Variants in PIP4K2A observed in about 807,000 individuals in gnomAD.
PIP4K2A encodes the protein phosphatidylinositol 5-phosphate 4-kinase type-2 alpha.
A neutral mutation model predicts 42.9 loss-of-function variants in PIP4K2A; 14 were observed. The ratio of observed to expected loss-of-function variants is 0.33; its 90% CI spans 0.22 to 0.51. The LOEUF is 0.51. PIP4K2A is among the 20% of genes least tolerant of loss of function. The pLI is 0.97. For missense variants in PIP4K2A, 434 were observed against 519.8 expected (o/e 0.83, Z 1.61); for synonymous variants, 192 against 192.2 (o/e 1.00, Z 0.01).
intron 1 of PIP4K2A, among the ~76,000 whole-genome samples, chr10:22,621,615 G>T (rs1411845011): frequency 6.6e-6 from 1 of 152,104 alleles, no homozygotes; most frequent in Non-Finnish European, 1.5e-5. Flanking sequence ...GGAGGAGTTT[G>T]GTATGTAATA....
intron 8 of PIP4K2A, among the ~76,000 whole-genome samples, chr10:22,540,508 C>G (rs1029006066): frequency 6.6e-6 from 1 of 151,988 alleles, no homozygotes; most frequent in Non-Finnish European, 1.5e-5. Context: ...GTTCATAATT[C>G]TCACTGGATA....
rs1048244 is a variant in PIP4K2A, at chr10:22,536,667, C to T, written c.*534G>A. 0.64 allele frequency: 88,579 copies of T among 138,410 alleles called. 28,317 individuals are homozygous for T. The highest frequency in any genetic ancestry group is 0.77 in the Middle Eastern group (211 of 274). The allele number at this position is 138,410 out of a possible 1,614,324, so 8.6% of individuals were successfully genotyped here. ...TCATCATCATTATTATAATAATCAT[C>T]ATTATTATCTTCATTATTCTGAATA... On this transcript the variant is annotated 3_prime_UTR_variant, in exon 10 of 10. Transcript: ENST00000376573.
chr10:22,643,067 C>G (rs908328723), intron 1 of PIP4K2A, among the ~76,000 whole-genome samples: 1 of 152,098 alleles, frequency 6.6e-6, no homozygotes, highest in Non-Finnish European at 1.5e-5. Flanking sequence ...GTGGAAACAC[C>G]TAGTTCTCCC....
At chr10:22,640,303 C>T (rs1181408117) in intron 1 of PIP4K2A, among the ~76,000 whole-genome samples, 1 of 152,142 alleles carries the variant, frequency 6.6e-6, no homozygotes, top group Non-Finnish European at 1.5e-5. Context: ...TACAGTATTT[C>T]CCTTGGTAGC....
chr10:22,636,617 C>T (rs1838669581), intron 1 of PIP4K2A, among the ~76,000 whole-genome samples: 1 of 152,154 alleles, frequency 6.6e-6, no homozygotes, highest in South Asian at 2.1e-4. Flanking sequence ...TACTGTCAAG[C>T]AAAACTTTCT....
intron 1 of PIP4K2A, among the ~76,000 whole-genome samples, chr10:22,704,695 C>T: frequency 6.8e-6 from 1 of 147,108 alleles, no homozygotes; most frequent in Admixed American, 6.8e-5. Flanking sequence ...CGAGAAGACA[C>T]TAAAATGAGA....
chr10:22,561,721 C>T (rs1263049127), intron 6 of PIP4K2A, among the ~76,000 whole-genome samples: 2 of 151,866 alleles, frequency 1.3e-5, no homozygotes, highest in South Asian at 2.1e-4. Flanking sequence ...CACCACCATG[C>T]CCAGCTAATT....
chr10:22,709,848 A>G (rs1426382310), intron 1 of PIP4K2A, among the ~76,000 whole-genome samples: 2 of 152,128 alleles, frequency 1.3e-5, no homozygotes, highest in Non-Finnish European at 2.9e-5. Flanking sequence ...TTTCCTCTGA[A>G]GATTAAAAAG....
intron 5 of PIP4K2A, chr10:22,568,976 G>A (rs1836914910): frequency 6.7e-7 from 1 of 1,487,120 alleles, no homozygotes; most frequent in South Asian, 1.2e-5. Flanking sequence ...CTATTGCCCT[G>A]GGTTACTTGA....
chr10:22,556,217 T>A (rs1836542500), intron 6 of PIP4K2A, among the ~76,000 whole-genome samples: 1 of 152,076 alleles, frequency 6.6e-6, no homozygotes, highest in South Asian at 2.1e-4. Context: ...AGAGGGCACA[T>A]GAGACAGGAT....
chr10:22,708,250 C>T (rs897077133), intron 1 of PIP4K2A, among the ~76,000 whole-genome samples: 2 of 152,214 alleles, frequency 1.3e-5, no homozygotes, highest in Non-Finnish European at 2.9e-5. Context: ...ACCACAAGCA[C>T]AGCCATGACT....
At chr10:22,668,423 TTTTG>T (rs1045303941) in intron 1 of PIP4K2A, among the ~76,000 whole-genome samples, 9 of 152,188 alleles carry the variant, frequency 5.9e-5, no homozygotes, top group Non-Finnish European at 8.8e-5. Flanking sequence ...ACAGTGTTTT[TTTTG>T]TTTGTTTGTT....
At chr10:22,587,717 G>C (rs1010971826) in intron 4 of PIP4K2A, among the ~76,000 whole-genome samples, 1 of 152,104 alleles carries the variant, frequency 6.6e-6, no homozygotes, top group Non-Finnish European at 1.5e-5. Context: ...TGGCATACAA[G>C]AAGAACAGCC....
chr10:22,540,190 G>A (rs1398644226), intron 8 of PIP4K2A, 116 bp from the exon 9 acceptor site: 7 of 701,438 alleles, frequency 1.0e-5, no homozygotes, highest in Non-Finnish European at 1.8e-5. Context: ...TCAATGGAAC[G>A]CGGATGGAAG....
intron 1 of PIP4K2A, among the ~76,000 whole-genome samples, chr10:22,703,940 C>G (rs893737800): frequency 6.6e-6 from 1 of 152,014 alleles, no homozygotes; most frequent in Non-Finnish European, 1.5e-5. Context: ...TTTTCTGAGA[C>G]GGGAAGAGGC....
chr10:22,549,355 T>G (rs1034625652), intron 7 of PIP4K2A, among the ~76,000 whole-genome samples: 3 of 151,720 alleles, frequency 2.0e-5, no homozygotes, highest in Non-Finnish European at 4.4e-5. Flanking sequence ...CTTTTTCTTT[T>G]TTTTTTTTTG....
intron 1 of PIP4K2A, among the ~76,000 whole-genome samples, chr10:22,669,839 G>A (rs1292508412): frequency 1.3e-5 from 2 of 152,142 alleles, no homozygotes; most frequent in African/African-American, 4.8e-5. Flanking sequence ...TTGTTTATTT[G>A]CAGAATCTCA....
At chr10:22,593,759 A>G (rs1350329592) in intron 3 of PIP4K2A, among the ~76,000 whole-genome samples, 1 of 152,244 alleles carries the variant, frequency 6.6e-6, no homozygotes, top group African/African-American at 2.4e-5. Context: ...GCATAAAATC[A>G]AAGTGGGAAC....
chr10:22,539,412 G>A (rs772142034), intron 9 of PIP4K2A: 1 of 153,514 alleles, frequency 6.5e-6, no homozygotes, highest in African/African-American at 2.4e-5. Context: ...GTAATATTAT[G>A]CAACTTTGAT....
Sources: gnomAD v4.1 joint callset for allele counts (sites outside exome capture counted in the v4.1 genomes callset) on GRCh38, gnomAD v4.1.1 for gene constraint, MANE v1.5 for transcripts, NCBI Gene and HGNC (gene_info 2026-07-23, HGNC 2026-07-21) for gene names.